The following CTNNA2 variants were observed in gnomAD, a reference collection of about 807,000 sequenced individuals.
CTNNA2 encodes catenin alpha-2.
CTNNA2 carries 42 observed loss-of-function variants against 101.0 expected under a neutral mutation model. That is an observed-to-expected ratio of 0.42 (90% confidence interval 0.32 to 0.54). CTNNA2 has a LOEUF of 0.54. Ranked by LOEUF, CTNNA2 falls within the 20% of genes least tolerant of loss-of-function variation. The pLI is 0.14. For synonymous variants in CTNNA2, 450 were observed against 456.4 expected, an observed-to-expected ratio of 0.99 and a Z score of 0.18; for missense variants, 871 against 1,223.1, an observed-to-expected ratio of 0.71 and a Z score of 4.29.
At chr2:79,527,359 G>A (rs1330775413) in intron 1 of CTNNA2, among the ~76,000 whole-genome samples, 3 of 151,362 alleles carry the variant, frequency 2.0e-5, no homozygotes, top group Non-Finnish European at 2.9e-5. Context: ...TAGGCCAGGC[G>A]CGGTGCCTCA....
intron 7 of CTNNA2, among the ~76,000 whole-genome samples, chr2:80,318,025 C>A (rs1170981565): frequency 6.6e-6 from 1 of 152,128 alleles, no homozygotes; most frequent in South Asian, 2.1e-4. Context: ...GTCCCATTCT[C>A]ACTCCAGACT....
chr2:79,300,878 C>T (rs1187126428), intron 2 of CTNNA2, among the ~76,000 whole-genome samples: 1 of 152,126 alleles, frequency 6.6e-6, no homozygotes, highest in East Asian at 1.9e-4. Context: ...TCTTCACTCC[C>T]TTTGCATGAA....
At chr2:80,368,845 A>ATG (rs1289814124) in intron 7 of CTNNA2, among the ~76,000 whole-genome samples, 2 of 128,336 alleles carry the variant, frequency 1.6e-5, no homozygotes, top group African/African-American at 7.7e-5. Context: ...GTGTGTGTAT[A>ATG]TATGTGTGTG....
chr2:80,121,137 T>A (rs1701809624), intron 7 of CTNNA2, among the ~76,000 whole-genome samples: 1 of 152,190 alleles, frequency 6.6e-6, no homozygotes, highest in South Asian at 2.1e-4. Flanking sequence ...CAAATAATTG[T>A]CCCTTAAGTG....
At chr2:80,542,872 AT>A (rs756843700) in intron 9 of CTNNA2, among the ~76,000 whole-genome samples, 1,742 of 107,534 alleles carry the variant, frequency 0.016, 18 homozygotes, top group African/African-American at 0.042. Flanking sequence ...CACTATCCTG[AT>A]TTTTTCCCCC....
chr2:80,204,997 A>AT (rs1707443798), intron 7 of CTNNA2, among the ~76,000 whole-genome samples: 1 of 152,096 alleles, frequency 6.6e-6, no homozygotes, highest in Admixed American at 6.6e-5. Flanking sequence ...CATGAGACAA[A>AT]TTCACTCTGA....
chr2:79,630,232 A>G (rs987276924), intron 1 of CTNNA2, among the ~76,000 whole-genome samples: 1 of 152,224 alleles, frequency 6.6e-6, no homozygotes, highest in Non-Finnish European at 1.5e-5. Flanking sequence ...AAGGCATGGC[A>G]TAGCATGCCC....
chr2:79,577,283 T>C (rs2103871019), intron 1 of CTNNA2, among the ~76,000 whole-genome samples: 2 of 152,242 alleles, frequency 1.3e-5, no homozygotes, highest in East Asian at 1.9e-4. Flanking sequence ...ACTTTTATTC[T>C]ATTTATTTTT....
intron 3 of CTNNA2, among the ~76,000 whole-genome samples, chr2:79,370,956 G>A (rs1041336781): frequency 6.6e-6 from 1 of 152,112 alleles, no homozygotes; most frequent in African/African-American, 2.4e-5. Flanking sequence ...ATGTCACACT[G>A]GATGAATGGC....
rs1306982182 is a variant in CTNNA2 at position 79,242,993 on chromosome 2, T to TATATACAC, written c.-406+44918_-406+44919insTATACACA. 2.0e-3 allele frequency among the ~76,000 whole-genome samples: 237 copies of TATATACAC among 116,718 alleles called. 1 individual carries two copies. The highest frequency in any genetic ancestry group is 3.9e-3 in the East Asian group (15 of 3,888). The allele number at this position is 116,718 out of a possible 152,430, so 76.6% of individuals were successfully genotyped here. A position where few individuals can be genotyped will look rare whatever the true frequency, so the allele number is the denominator to read the frequency against. ...AAATATATATATATATATATATATATACACACACACACACACACACACACA... is the reference window on the plus strand; with the variant it reads ...AAATATATATATATATATATATATATATATACACACACACACACACACACACACACACA... On this transcript the variant is annotated intron_variant, in intron 2 of 21. Coordinates refer to the CTNNA2 transcript ENST00000466387.
intron 7 of CTNNA2, among the ~76,000 whole-genome samples, chr2:80,253,585 T>A (rs2149110020): frequency 6.6e-6 from 1 of 152,272 alleles, no homozygotes; most frequent in African/African-American, 2.4e-5. Context: ...TTTTAATGTG[T>A]ATCTCCTTCA....
chr2:80,487,283 A>G (rs1390600564), intron 9 of CTNNA2, among the ~76,000 whole-genome samples: 1 of 149,014 alleles, frequency 6.7e-6, no homozygotes, highest in Non-Finnish European at 1.5e-5. Context: ...TCTGTCTCAA[A>G]AAAAAAAAAA....
chr2:80,514,225 T>C (rs1425954537), intron 9 of CTNNA2, among the ~76,000 whole-genome samples: 5 of 151,886 alleles, frequency 3.3e-5, no homozygotes, highest in African/African-American at 1.2e-4. Context: ...AAGGAGGGAG[T>C]GCATGAGTGA....
At chr2:80,148,509 G>C (rs900051720) in intron 7 of CTNNA2, among the ~76,000 whole-genome samples, 4 of 152,204 alleles carry the variant, frequency 2.6e-5, no homozygotes, top group Non-Finnish European at 5.9e-5. Context: ...TGTGCACTGT[G>C]GGGCAATGCA....
At chr2:80,435,092 C>T (rs1435073222) in intron 9 of CTNNA2, among the ~76,000 whole-genome samples, 1 of 152,124 alleles carries the variant, frequency 6.6e-6, no homozygotes, top group African/African-American at 2.4e-5. Context: ...GGCCTCTACC[C>T]ACTAGAAGCC....
chr2:79,816,576 A>G (rs1414318134), intron 3 of CTNNA2, among the ~76,000 whole-genome samples: 1 of 152,190 alleles, frequency 6.6e-6, no homozygotes, highest in Non-Finnish European at 1.5e-5. Flanking sequence ...TAGGAAGCCA[A>G]AAGAAAAGAG....
At chr2:79,829,399 AC>A (rs1678704047) in intron 3 of CTNNA2, among the ~76,000 whole-genome samples, 1 of 149,304 alleles carries the variant, frequency 6.7e-6, no homozygotes. Context: ...ACACACACAC[AC>A]ACACACACAC....
At chr2:79,438,104 G>A (rs1678736769) in intron 4 of CTNNA2, among the ~76,000 whole-genome samples, 1 of 152,160 alleles carries the variant, frequency 6.6e-6, no homozygotes, top group Non-Finnish European at 1.5e-5. Flanking sequence ...TTGCAAAGTC[G>A]GTAACCCCTA....
At chr2:80,646,875 T>C (rs1452802353) in intron 18 of CTNNA2, among the ~76,000 whole-genome samples, 1 of 152,094 alleles carries the variant, frequency 6.6e-6, no homozygotes, top group African/African-American at 2.4e-5. Context: ...GTATCAGCTC[T>C]CTCATTCTAA....
Sources: gnomAD v4.1 joint callset for allele counts (sites outside exome capture counted in the v4.1 genomes callset) on GRCh38, gnomAD v4.1.1 for gene constraint, MANE v1.5 for transcripts, NCBI Gene and HGNC (gene_info 2026-07-23, HGNC 2026-07-21) for gene names.